CHD9: variants seen among roughly 807,000 people sequenced by gnomAD.
CHD9 encodes the protein ATP-dependent chromatin remodeler CHD9.
Under a neutral mutation model 316.1 loss-of-function variants are expected in CHD9, and 77 were observed. The observed-to-expected ratio is 0.24, with a 90% CI of 0.20 to 0.29. The LOEUF is 0.29. Among genes scored for constraint, CHD9 ranks in the 10% least tolerant of loss-of-function variants. The pLI is 1.00. For synonymous variants in CHD9, 1,129 were observed against 1,158.3 expected (o/e 0.97, Z 0.51); for missense variants, 2,763 against 3,438.1 (o/e 0.80, Z 4.91).
At chr16:53,154,967 AAT>A (rs1359146685) in intron 1 of CHD9, among the ~76,000 whole-genome samples, 1 of 152,202 alleles carries the variant, frequency 6.6e-6, no homozygotes, top group East Asian at 1.9e-4. Context: ...GTCATTTAAA[AAT>A]ATGTCTACTC....
intron 2 of CHD9, chr16:53,169,378 A>G (rs2042513191): frequency 6.6e-6 from 1 of 152,190 alleles, no homozygotes; most frequent in African/African-American, 2.4e-5. Context: ...CTTTAAGGCT[A>G]GATCTCAACT....
At chr16:53,065,515 G>A (rs1368465725) in intron 1 of CHD9, among the ~76,000 whole-genome samples, 1 of 151,476 alleles carries the variant, frequency 6.6e-6, no homozygotes, top group Non-Finnish European at 1.5e-5. Context: ...AGCACCTGTA[G>A]TCTCAGTTAC....
intron 19 of CHD9, among the ~76,000 whole-genome samples, chr16:53,257,764 G>A (rs181532234): frequency 6.5e-4 from 99 of 152,220 alleles, no homozygotes; most frequent in Non-Finnish European, 6.8e-4. Context: ...CAGAAAAAAA[G>A]TAGTTCCTTT....
intron 29 of CHD9, 84 bp from the exon 30 acceptor site, chr16:53,296,872 G>A: frequency 1.1e-6 from 1 of 885,728 alleles, no homozygotes; most frequent in Non-Finnish European, 1.8e-6. Context: ...AATGTTTTAA[G>A]TTTGTATTAT....
Position 53,255,697 on chromosome 16 carries a change from A to G in CHD9, c.4127A>G (p.Glu1376Gly). ...GAAGATGAAGGCTCTAAATTCTGCG[A>G]AGAGGATATCGATCAGATTTTACTA... ...EEEDEGSKFCEEDIDQILLRR... is the reference protein window; with the variant it reads ...EEEDEGSKFCGEDIDQILLRR... The change falls in exon 19 of 39, where the codon GAA becomes GGA. Residue 1376 changes from glutamate to glycine, a missense_variant. Physicochemically the swap from Glu to Gly is moderately conservative, Grantham distance 98. Around this residue, in one of 15 missense-constraint regions of CHD9, gnomAD observed 199 missense variants for 251.7 expected, o/e 0.79. Coordinates refer to ENST00000447540, the MANE Select transcript of CHD9 (RefSeq NM_001308319.2). 1.2e-6 allele frequency: 2 copies of G among 1,613,912 alleles called. No homozygotes were observed. The highest frequency in any genetic ancestry group is 8.5e-7 in the Non-Finnish European group (1 of 1,179,802).
intron 34 of CHD9, among the ~76,000 whole-genome samples, chr16:53,310,588 C>T (rs1436560268): frequency 6.6e-6 from 1 of 151,808 alleles, no homozygotes; most frequent in Non-Finnish European, 1.5e-5. Flanking sequence ...TGGCACATGC[C>T]TGTAATCCCA....
intron 34 of CHD9, among the ~76,000 whole-genome samples, chr16:53,310,570 C>T (rs944705903): frequency 5.9e-5 from 9 of 151,804 alleles, no homozygotes; most frequent in Non-Finnish European, 8.8e-5. Context: ...AGTAGGGGTC[C>T]GGTGTGGTGG....
chr16:53,240,135 G>A (rs2048966504), intron 12 of CHD9, among the ~76,000 whole-genome samples: 1 of 152,050 alleles, frequency 6.6e-6, no homozygotes. Flanking sequence ...GGCTGGTCTC[G>A]AACTCATGTA....
At chr16:53,263,854 A>G (rs2051382246) in intron 20 of CHD9, among the ~76,000 whole-genome samples, 1 of 152,144 alleles carries the variant, frequency 6.6e-6, no homozygotes, top group African/African-American at 2.4e-5. Context: ...TAAAAATATT[A>G]TTGGCATATG....
At chr16:53,107,513 T>TGAA (rs2037464824) in intron 1 of CHD9, among the ~76,000 whole-genome samples, 7 of 143,188 alleles carry the variant, frequency 4.9e-5, no homozygotes, top group African/African-American at 1.6e-4. Flanking sequence ...TAAAATAAAA[T>TGAA]ATAAAATAAA....
chr16:53,316,327 A>T (rs546341659), intron 36 of CHD9, among the ~76,000 whole-genome samples: 1 of 152,194 alleles, frequency 6.6e-6, no homozygotes, highest in African/African-American at 2.4e-5. Flanking sequence ...AGGGATTACT[A>T]TGTACTACTT....
intron 8 of CHD9, among the ~76,000 whole-genome samples, chr16:53,231,197 C>A (rs926410053): frequency 3.3e-5 from 5 of 152,114 alleles, no homozygotes; most frequent in African/African-American, 1.2e-4. Flanking sequence ...CACGTATCTT[C>A]TAGAGTACCT....
chr16:53,068,769 A>G (rs185794818), intron 1 of CHD9, among the ~76,000 whole-genome samples: 20 of 152,298 alleles, frequency 1.3e-4, no homozygotes, highest in African/African-American at 4.8e-4. Flanking sequence ...GGTCTTGTTT[A>G]TACCTGCGGT....
intron 22 of CHD9, among the ~76,000 whole-genome samples, chr16:53,270,066 G>A (rs934705824): frequency 3.3e-5 from 5 of 151,824 alleles, no homozygotes; most frequent in East Asian, 1.9e-4. Context: ...GTGTTGTGAC[G>A]TGAACACGGC....
At chr16:53,217,267 T>C (rs932593351) in intron 3 of CHD9, among the ~76,000 whole-genome samples, 27 of 152,332 alleles carry the variant, frequency 1.8e-4, no homozygotes, top group African/African-American at 6.3e-4. Context: ...TTTATTTTAT[T>C]TTTGAGACAG....
rs548600225 is a variant in CHD9 at position 53,202,988 on chromosome 16, GT to G, written c.1453-6487del. Among the ~76,000 whole-genome samples, 1,168 of 152,114 alleles carry G rather than the reference GT, an allele frequency of 7.7e-3. 10 individuals carry two copies. Among genetic ancestry groups the G allele is most frequent in the Non-Finnish European group, 0.011 (744 of 67,962 alleles). Reference sequence around the variant, plus strand: ...GACATTATAATTTGCTCTTGGATCAGTTTTTTTCTCTTTTCTCTTTAAACAT... The same window carrying G: ...GACATTATAATTTGCTCTTGGATCAGTTTTTTCTCTTTTCTCTTTAAACAT... On this transcript the variant is annotated intron_variant, in intron 2 of 38. Coordinates refer to ENST00000447540, the MANE Select transcript of CHD9 (RefSeq NM_001308319.2).
chr16:53,110,681 G>C (rs2037796181), intron 1 of CHD9, among the ~76,000 whole-genome samples: 1 of 152,208 alleles, frequency 6.6e-6, no homozygotes. Context: ...AGAATCGCTT[G>C]AACCTGGGAG....
chr16:53,082,703 C>T (rs775216185), intron 1 of CHD9, among the ~76,000 whole-genome samples: 42 of 152,242 alleles, frequency 2.8e-4, no homozygotes, highest in Non-Finnish European at 6.0e-4. Flanking sequence ...CACAGATCTT[C>T]ATCAGGTGCA....
intron 3 of CHD9, among the ~76,000 whole-genome samples, chr16:53,218,490 T>C (rs2046960715): frequency 6.6e-6 from 1 of 152,184 alleles, no homozygotes; most frequent in South Asian, 2.1e-4. Flanking sequence ...AATATTTATC[T>C]ATAAAAATGT....
Sources: allele counts gnomAD v4.1 joint callset (sites outside exome capture counted in the v4.1 genomes callset), GRCh38; gene constraint gnomAD v4.1.1; regional missense constraint gnomAD v4.1.1; transcripts MANE v1.5; gene names NCBI Gene and HGNC (gene_info 2026-07-23, HGNC 2026-07-21).